The following TDRP variants were observed in gnomAD, a reference collection of about 807,000 sequenced individuals.
TDRP encodes testis development-related protein.
In TDRP, 12 loss-of-function variants were observed where a neutral mutation model predicts 10.5. The ratio of observed to expected loss-of-function variants is 1.15; its 90% CI spans 0.73 to 1.86. The LOEUF is 1.86. Ranked by LOEUF, TDRP falls within the 40% of genes most tolerant of loss-of-function variation. The pLI, the probability that TDRP is intolerant of heterozygous loss-of-function variation, is 0.00. For synonymous variants in TDRP, 139 were observed against 95.4 expected (o/e 1.46, Z -2.67); for missense variants, 353 against 229.2 (o/e 1.54, Z -3.49).
intron 1 of TDRP, among the ~76,000 whole-genome samples, chr8:534,825 A>C (rs1302669952): frequency 6.6e-6 from 1 of 152,138 alleles, no homozygotes; most frequent in Non-Finnish European, 1.5e-5. Context: ...ATGAATATGA[A>C]CTGTAACTAC....
chr8:508,820 T>C (rs1801535141), intron 1 of TDRP, among the ~76,000 whole-genome samples: 1 of 152,216 alleles, frequency 6.6e-6, no homozygotes, highest in South Asian at 2.1e-4. Context: ...ATCCAAAGTC[T>C]AATCTGAGAC....
intron 1 of TDRP, among the ~76,000 whole-genome samples, chr8:526,218 G>T (rs927582013): frequency 6.6e-6 from 1 of 152,040 alleles, no homozygotes; most frequent in African/African-American, 2.4e-5. Flanking sequence ...GGCTGGTCTT[G>T]AACTACTGGC....
chr8:540,433 A>T (rs1336559096), intron 1 of TDRP, among the ~76,000 whole-genome samples: 1 of 152,224 alleles, frequency 6.6e-6, no homozygotes, highest in Non-Finnish European at 1.5e-5. Context: ...ACAGATATAC[A>T]AAAGAGCTTA....
chr8:522,199 G>A (rs542706982), intron 1 of TDRP, among the ~76,000 whole-genome samples: 1 of 152,074 alleles, frequency 6.6e-6, no homozygotes, highest in Non-Finnish European at 1.5e-5. Context: ...TCCTCTAAAC[G>A]TTTATGTCAC....
intron 1 of TDRP, among the ~76,000 whole-genome samples, chr8:494,820 C>G (rs1801083202): frequency 6.6e-6 from 1 of 152,158 alleles, no homozygotes. Context: ...ATCAGTGATG[C>G]TGAGTAATCT....
At chr8:531,740 T>C (rs977074999) in intron 1 of TDRP, among the ~76,000 whole-genome samples, 9 of 152,354 alleles carry the variant, frequency 5.9e-5, no homozygotes, top group Non-Finnish European at 7.3e-5. Context: ...TATAAAACTT[T>C]ATTTTGAAAT....
chr8:524,237 G>T (rs924527433), intron 1 of TDRP, among the ~76,000 whole-genome samples: 4 of 152,154 alleles, frequency 2.6e-5, no homozygotes, highest in Non-Finnish European at 5.9e-5. Context: ...AGCATTACTG[G>T]GCTTGGGGTG....
chr8:511,660 C>T (rs951710575), intron 1 of TDRP, among the ~76,000 whole-genome samples: 3 of 152,180 alleles, frequency 2.0e-5, no homozygotes, highest in African/African-American at 7.2e-5. Flanking sequence ...CAAGTGCAAA[C>T]AGATCAGTCT....
chr8:523,237 T>C (rs1420815866), intron 1 of TDRP, among the ~76,000 whole-genome samples: 1 of 152,200 alleles, frequency 6.6e-6, no homozygotes, highest in Non-Finnish European at 1.5e-5. Context: ...ATAATCTATT[T>C]TAAACTGATA....
intron 1 of TDRP, among the ~76,000 whole-genome samples, chr8:535,291 T>C (rs557280557): frequency 6.6e-6 from 1 of 152,058 alleles, no homozygotes; most frequent in Non-Finnish European, 1.5e-5. Flanking sequence ...GGTCCAACCA[T>C]TTCTAGACAA....
In TDRP at chr8:491,778, G is replaced by C; in HGVS notation, c.*621C>G. 3 of 1,322,230 alleles carry C rather than the reference G, an allele frequency of 2.3e-6. No individual in the cohort carries two copies. Among genetic ancestry groups the C allele is most frequent in the Non-Finnish European group, 2.9e-6 (3 of 1,041,682 alleles). 81.9% of individuals were successfully genotyped at this position (1,322,230 alleles called of 1,614,324 possible). ...AAAAAAGAACCACTGTTACTATCCA[G>C]TGGACATACAAGAAGCTATTCCTCC... On this transcript the variant is annotated 3_prime_UTR_variant, in exon 3 of 3. Transcript: ENST00000324079.
In TDRP at chr8:528,524, A is replaced by G. The variant is rs185508506; in HGVS notation, c.108+16126T>C. ...GGAAGCAACCTAAGTATCCATCAAC[A>G]TCAACATACAAAAATATAGTTAGCA... On this transcript the variant is annotated intron_variant, in intron 1 of 2. Coordinates refer to ENST00000324079, the MANE Select transcript of TDRP (RefSeq NM_001384899.1). Among the ~76,000 whole-genome samples the G allele has an allele frequency of 4.0e-5, 6 of 150,096 alleles. No homozygotes were observed. The Admixed American group carries it at 4.1e-4, about 10-fold the overall frequency.
At chr8:524,883 G>A (rs1234531368) in intron 1 of TDRP, among the ~76,000 whole-genome samples, 2 of 152,006 alleles carry the variant, frequency 1.3e-5, no homozygotes, top group Admixed American at 6.6e-5. Flanking sequence ...CGAGAGAGAA[G>A]GGTAGAAAGT....
intron 2 of TDRP, among the ~76,000 whole-genome samples, chr8:493,767 T>G (rs1041873833): frequency 5.3e-5 from 8 of 152,176 alleles, no homozygotes; most frequent in Non-Finnish European, 1.0e-4. Flanking sequence ...AGTGTTTTTT[T>G]TGGTGGTGGT....
At chr8:543,018 GAACTT>G (rs1563135319) in intron 1 of TDRP, among the ~76,000 whole-genome samples, 2 of 149,342 alleles carry the variant, frequency 1.3e-5, no homozygotes, top group Non-Finnish European at 3.0e-5. Context: ...TTCAAAGTAA[GAACTT>G]AAGGCCAGGC....
intron 1 of TDRP, among the ~76,000 whole-genome samples, chr8:498,596 C>G (rs1213485171): frequency 6.6e-6 from 1 of 152,124 alleles, no homozygotes; most frequent in Non-Finnish European, 1.5e-5. Context: ...TTGGATTTGA[C>G]TTTTGAGTTA....
At chr8:494,355 G>A (rs1354041229) in intron 2 of TDRP, 139 bp downstream of exon 2, 3 of 693,398 alleles carry the variant, frequency 4.3e-6, no homozygotes, top group South Asian at 1.8e-5. Context: ...AGACGGAGTG[G>A]GGAGGGAAAC....
At chr8:511,722 G>C (rs529527201) in intron 1 of TDRP, among the ~76,000 whole-genome samples, 10 of 152,232 alleles carry the variant, frequency 6.6e-5, no homozygotes, top group Admixed American at 6.5e-4. Context: ...ATATTTAACA[G>C]GATAAAACTA....
chr8:498,611 T>G (rs1017777001), intron 1 of TDRP, among the ~76,000 whole-genome samples: 16 of 152,216 alleles, frequency 1.1e-4, no homozygotes, highest in African/African-American at 3.9e-4. Flanking sequence ...GAGTTAATGC[T>G]GGAATGAGTT....
Sources: allele counts gnomAD v4.1 joint callset (sites outside exome capture counted in the v4.1 genomes callset), GRCh38; gene constraint gnomAD v4.1.1; transcripts MANE v1.5; gene names NCBI Gene and HGNC (gene_info 2026-07-23, HGNC 2026-07-21).